The following LDLRAD4 variants were observed in gnomAD, a reference collection of about 807,000 sequenced individuals.
LDLRAD4 encodes low-density lipoprotein receptor class A domain-containing protein 4.
In LDLRAD4, 5 loss-of-function variants were observed where a neutral mutation model predicts 17.0. The ratio of observed to expected loss-of-function variants is 0.29; its 90% CI spans 0.15 to 0.62. The LOEUF (loss-of-function observed/expected upper bound fraction) is 0.62, where lower values mean the gene tolerates loss of function less well. Among genes scored for constraint, LDLRAD4 ranks in the 20% least tolerant of loss-of-function variants. The pLI is 0.84. For missense variants in LDLRAD4, 340 were observed against 424.7 expected (o/e 0.80, Z 1.75); for synonymous variants, 168 against 171.8 (o/e 0.98, Z 0.17).
chr18:13,255,642 C>A (rs10445419), intron 1 of LDLRAD4, among the ~76,000 whole-genome samples: 61,347 of 151,958 alleles, frequency 0.4, 13,454 homozygotes, highest in East Asian at 0.58. Flanking sequence ...TCCAGAGGGT[C>A]AGGGTCTCTG....
chr18:13,371,845 C>T (rs2084541854), intron 1 of LDLRAD4, among the ~76,000 whole-genome samples: 1 of 152,142 alleles, frequency 6.6e-6, no homozygotes, highest in African/African-American at 2.4e-5. Context: ...TAGCAACAAA[C>T]ATCTTTTTAC....
intron 1 of LDLRAD4, among the ~76,000 whole-genome samples, chr18:13,364,392 C>A (rs530646222): frequency 6.6e-6 from 1 of 152,046 alleles, no homozygotes. Flanking sequence ...GGCTGAAGTG[C>A]GGTGGTGTGG....
At position 13,367,777 on chromosome 18, in the gene LDLRAD4, A is replaced by C. The variant is rs1252254614; in HGVS notation, c.-382-19564A>C. Among the ~76,000 whole-genome samples the C allele has an allele frequency of 6.8e-6, 1 of 147,434 alleles. No individual in the cohort carries two copies. Among genetic ancestry groups the C allele is most frequent in the Non-Finnish European group, 1.5e-5 (1 of 67,068 alleles). ...GTCAAGGTGTTTGCTGAGAGGGGAC[A>C]GCGGGGCCTGGGGGCACGTGCTTTC... On this transcript the variant is annotated intron_variant, in intron 1 of 5. Transcript: ENST00000359446. The surrounding 1 kb of genome is among the most constrained non-coding windows in gnomAD (Gnocchi z 4.1).
intron 1 of LDLRAD4, among the ~76,000 whole-genome samples, chr18:13,377,338 C>T (rs1330036096): frequency 6.6e-6 from 1 of 152,192 alleles, no homozygotes; most frequent in Admixed American, 6.5e-5. Flanking sequence ...ACGTCTGTTT[C>T]CATAACTTGG....
intron 2 of LDLRAD4, among the ~76,000 whole-genome samples, chr18:13,407,767 T>G (rs1568110965): frequency 6.6e-6 from 1 of 152,240 alleles, no homozygotes; most frequent in Non-Finnish European, 1.5e-5. Flanking sequence ...AGATATTTTC[T>G]TCACAGCCCT....
intron 3 of LDLRAD4, among the ~76,000 whole-genome samples, chr18:13,501,812 CAG>C (rs947697555): frequency 8.5e-5 from 13 of 152,258 alleles, no homozygotes; most frequent in Middle Eastern, 3.4e-3. Flanking sequence ...ATGATAAAAA[CAG>C]GGGCATTCTG....
intron 3 of LDLRAD4, among the ~76,000 whole-genome samples, chr18:13,477,676 A>C (rs1454362346): frequency 6.6e-6 from 1 of 152,198 alleles, no homozygotes; most frequent in Admixed American, 6.5e-5. Flanking sequence ...TACAGTTTGG[A>C]GAGCAAAGAA....
At chr18:13,257,112 T>C (rs908721210) in intron 1 of LDLRAD4, among the ~76,000 whole-genome samples, 1 of 152,246 alleles carries the variant, frequency 6.6e-6, no homozygotes, top group Non-Finnish European at 1.5e-5. Flanking sequence ...GTTTCTGCCA[T>C]GGAGTCATGC....
intron 3 of LDLRAD4, among the ~76,000 whole-genome samples, chr18:13,568,306 AAAG>A (rs1383792189): frequency 2.6e-5 from 4 of 151,964 alleles, no homozygotes; most frequent in African/African-American, 9.6e-5. Flanking sequence ...AAAAAAAAAA[AAAG>A]AAAAAAACAA....
intron 1 of LDLRAD4, among the ~76,000 whole-genome samples, chr18:13,307,927 C>G (rs111543699): frequency 0.014 from 2,177 of 152,256 alleles, 52 homozygotes; most frequent in African/African-American, 0.049. Flanking sequence ...GCTGGCATCC[C>G]TAACCTCTAT....
intron 3 of LDLRAD4, among the ~76,000 whole-genome samples, chr18:13,459,465 C>G (rs1474670352): frequency 6.6e-6 from 1 of 151,768 alleles, no homozygotes; most frequent in African/African-American, 2.4e-5. Flanking sequence ...TCACTGCAAC[C>G]TCCACCTCCT....
chr18:13,602,691 G>C (rs886583715), intron 3 of LDLRAD4, among the ~76,000 whole-genome samples: 1 of 151,696 alleles, frequency 6.6e-6, no homozygotes, highest in Non-Finnish European at 1.5e-5. Context: ...TAAGTGATCT[G>C]CCCACCTTGG....
intron 1 of LDLRAD4, among the ~76,000 whole-genome samples, chr18:13,379,361 T>C (rs542730377): frequency 6.6e-6 from 1 of 152,120 alleles, no homozygotes; most frequent in African/African-American, 2.4e-5. Flanking sequence ...GGCCATAGAT[T>C]GAAAAGGAGG....
chr18:13,514,422 A>G (rs1480395708), intron 3 of LDLRAD4: 2 of 152,200 alleles, frequency 1.3e-5, no homozygotes, highest in African/African-American at 2.4e-5. Flanking sequence ...TCCTTCCTCC[A>G]TTTATAAAGC....
rs1055847369 is a variant in LDLRAD4 at position 13,610,358 on chromosome 18, G to A, written c.182-10759G>A. On this transcript the variant is annotated intron_variant, in intron 3 of 5. Coordinates refer to ENST00000359446, the Ensembl canonical transcript of LDLRAD4. ...GCTGGAGTGAAGTGGCCCTATCTTGGCTCATGGCAACTTCTACCTCCCAGT... is the reference window on the plus strand; with the variant it reads ...GCTGGAGTGAAGTGGCCCTATCTTGACTCATGGCAACTTCTACCTCCCAGT... Among the ~76,000 whole-genome samples the A allele has an allele frequency of 2.3e-5, 3 of 130,970 alleles. No homozygotes were observed. In the South Asian group the frequency reaches 7.4e-4, roughly 32 times the overall value. The allele number at this position is 130,970 out of a possible 152,430, so 85.9% of individuals were successfully genotyped here.
At chr18:13,251,945 T>C (rs1290992940) in intron 1 of LDLRAD4, among the ~76,000 whole-genome samples, 1 of 152,178 alleles carries the variant, frequency 6.6e-6, no homozygotes, top group Non-Finnish European at 1.5e-5. Flanking sequence ...AAGTTAGTCA[T>C]GGATATGGAA....
In LDLRAD4 at chr18:13,621,136, AATC is replaced by A. The variant is rs770257518; in HGVS notation, c.211_213del (p.Ile71del). 13 of 1,614,030 alleles carry A rather than the reference AATC, an allele frequency of 8.1e-6. No homozygotes were observed. In the Middle Eastern group the frequency reaches 4.9e-4, roughly 61 times the overall value. ...TGGCAGCGGAGCTGGAGTTCGCCCA[AATC>A]ATCATCATCGTCGTGGTGGTCACGG... On this transcript the variant is annotated inframe_deletion, in exon 4 of 6. Transcript: ENST00000359446. This position sits in a 1 kb window ranked among gnomAD's most constrained non-coding sequence, Gnocchi z 5.5.
chr18:13,403,890 G>A (rs1470519969), intron 2 of LDLRAD4, among the ~76,000 whole-genome samples: 1 of 152,206 alleles, frequency 6.6e-6, no homozygotes, highest in Admixed American at 6.5e-5. Context: ...TGGGACTGGC[G>A]GGACGATGTT....
At chr18:13,529,111 T>G (rs748375509) in intron 3 of LDLRAD4, among the ~76,000 whole-genome samples, 1 of 152,178 alleles carries the variant, frequency 6.6e-6, no homozygotes, top group Non-Finnish European at 1.5e-5. Flanking sequence ...AGATTAAAGA[T>G]GTGTAGGGAG....
Sources: allele counts gnomAD v4.1 joint callset (sites outside exome capture counted in the v4.1 genomes callset), GRCh38; gene constraint gnomAD v4.1.1; non-coding constraint Gnocchi (gnomAD v3.1); transcripts MANE v1.5; gene names NCBI Gene and HGNC (gene_info 2026-07-23, HGNC 2026-07-21).